Variants in SH3BP5 observed in about 807,000 individuals in gnomAD.
SH3BP5 encodes the protein SH3 domain-binding protein 5.
SH3BP5 carries 22 observed loss-of-function variants against 43.3 expected under a neutral mutation model. The ratio of observed to expected loss-of-function variants is 0.51; its 90% CI spans 0.36 to 0.73. The LOEUF (loss-of-function observed/expected upper bound fraction) is 0.73. SH3BP5 is among the 30% of genes least tolerant of loss of function. SH3BP5 has a pLI of 0.00. For synonymous variants in SH3BP5, 255 were observed against 225.8 expected, an observed-to-expected ratio of 1.13 and a Z score of -1.16; for missense variants, 529 against 586.9, an observed-to-expected ratio of 0.90 and a Z score of 1.02.
intron 4 of SH3BP5, among the ~76,000 whole-genome samples, chr3:15,263,808 C>T (rs552855152): frequency 1.6e-4 from 25 of 152,284 alleles, no homozygotes; most frequent in South Asian, 6.2e-4. Flanking sequence ...AAGCAGCTTG[C>T]GATTTCTTTC....
intron 7 of SH3BP5, 179 bp downstream of exon 7, chr3:15,258,647 AGGAAC>A: frequency 1.7e-6 from 1 of 581,298 alleles, no homozygotes; most frequent in Admixed American, 3.2e-5. Flanking sequence ...CCTGACTTTG[AGGAAC>A]ACTTAGTACC....
chr3:15,282,770 A>G (rs1697164497), intron 3 of SH3BP5, among the ~76,000 whole-genome samples: 1 of 151,946 alleles, frequency 6.6e-6, no homozygotes, highest in Non-Finnish European at 1.5e-5. Flanking sequence ...TTAGGTGTGC[A>G]GTGATAAATC....
intron 2 of SH3BP5, among the ~76,000 whole-genome samples, chr3:15,320,154 T>C (rs1559457341): frequency 6.6e-6 from 1 of 152,284 alleles, no homozygotes; most frequent in African/African-American, 2.4e-5. Context: ...CCAAATCCCA[T>C]TCATCATGCT....
intron 2 of SH3BP5, among the ~76,000 whole-genome samples, chr3:15,311,010 C>T (rs1012990023): frequency 2.6e-5 from 4 of 152,186 alleles, no homozygotes; most frequent in African/African-American, 9.7e-5. Flanking sequence ...CCTCAATTAC[C>T]TTGCCTGGAA....
intron 4 of SH3BP5, among the ~76,000 whole-genome samples, chr3:15,265,286 C>T (rs1439762847): frequency 2.6e-5 from 4 of 152,064 alleles, no homozygotes; most frequent in Non-Finnish European, 4.4e-5. Flanking sequence ...GAGGCCAAGG[C>T]GGGCAGATCA....
intron 5 of SH3BP5, among the ~76,000 whole-genome samples, chr3:15,261,469 G>T (rs1488015250): frequency 6.6e-6 from 1 of 152,164 alleles, no homozygotes; most frequent in Admixed American, 6.5e-5. Flanking sequence ...CCTGGCTGGG[G>T]CTGTGACCAC....
chr3:15,285,160 G>C (rs1697230638), intron 3 of SH3BP5, among the ~76,000 whole-genome samples: 1 of 152,172 alleles, frequency 6.6e-6, no homozygotes, highest in Non-Finnish European at 1.5e-5. Context: ...AAGGTACCTA[G>C]CTATGGTAGA....
intron 2 of SH3BP5, among the ~76,000 whole-genome samples, chr3:15,319,944 T>G (rs377552269): frequency 1.3e-5 from 2 of 152,182 alleles, no homozygotes; most frequent in East Asian, 3.8e-4. Flanking sequence ...GAACAGTTGT[T>G]TTAAGCTATT....
chr3:15,261,041 G>A (rs947149599), intron 5 of SH3BP5, among the ~76,000 whole-genome samples: 1 of 152,210 alleles, frequency 6.6e-6, no homozygotes, highest in Non-Finnish European at 1.5e-5. Flanking sequence ...GCCTCCTTGG[G>A]TGTTGGCATG....
At chr3:15,288,496 G>A (rs1262951572) in intron 3 of SH3BP5, among the ~76,000 whole-genome samples, 3 of 152,200 alleles carry the variant, frequency 2.0e-5, no homozygotes, top group Admixed American at 6.5e-5. Flanking sequence ...GGTGGCTAAC[G>A]CCTGTAATCC....
intron 2 of SH3BP5, among the ~76,000 whole-genome samples, chr3:15,306,962 G>A (rs746651038): frequency 3.9e-5 from 6 of 152,070 alleles, no homozygotes; most frequent in South Asian, 2.1e-4. Flanking sequence ...TGTGAGCCAC[G>A]GCACCCAGCC....
intron 3 of SH3BP5, among the ~76,000 whole-genome samples, chr3:15,298,973 G>GA (rs1553617238): frequency 6.6e-6 from 1 of 151,438 alleles, no homozygotes; most frequent in Non-Finnish European, 1.5e-5. Flanking sequence ...AGGCAAAAAA[G>GA]AAAAAAAAGA....
At chr3:15,303,214 C>T (rs11917094) in intron 3 of SH3BP5, among the ~76,000 whole-genome samples, 1 of 152,198 alleles carries the variant, frequency 6.6e-6, no homozygotes, top group Non-Finnish European at 1.5e-5. Context: ...TGCTAGTGAA[C>T]TACAATTTGG....
Position 15,262,180 on chromosome 3 carries a change from T to C in SH3BP5, c.605A>G (p.Lys202Arg). The change falls in exon 5 of 9, where the codon AAG (lysine) becomes AGG (arginine). Residue 202 changes from lysine (K) to arginine (R), a missense_variant. Coordinates refer to ENST00000383791, the MANE Select transcript of SH3BP5 (RefSeq NM_004844.5). ...GRMRQLEKKL[K>R]RAINKSKPYF... ...TTACTTGGACTTGTTGATGGCTCTC[T>C]TGAGTTTCTTCTCCAGCTGTCGCAT... 2 of 1,614,148 alleles carry C rather than the reference T, an allele frequency of 1.2e-6. No individual in the cohort carries two copies. The highest frequency in any genetic ancestry group is 1.7e-6 in the Non-Finnish European group (2 of 1,180,002).
chr3:15,259,892 C>T lies in SH3BP5; in HGVS notation c.627-89G>A, dbSNP rs549878615. On this transcript the variant is annotated intron_variant, in intron 5 of 8. Transcript: ENST00000383791. The stretch of plus-strand genomic sequence containing the variant: ...AAGATGAACAAGAGGCATCAGCTAC[C>T]ACTGGCCAGGTCGTCCTTCCAATAT... The T allele has an allele frequency of 6.0e-5, 72 of 1,198,234 alleles. 1 individual carries two copies. The South Asian group carries it at 8.1e-4, about 14-fold the overall frequency. 74.2% of individuals were successfully genotyped at this position (1,198,234 alleles called of 1,614,324 possible). A position where few individuals can be genotyped will look rare whatever the true frequency, so the allele number is the denominator to read the frequency against.
chr3:15,297,271 AACTC>A (rs1464925983), intron 3 of SH3BP5, among the ~76,000 whole-genome samples: 1 of 151,970 alleles, frequency 6.6e-6, no homozygotes, highest in Non-Finnish European at 1.5e-5. Context: ...CCTCACAAAT[AACTC>A]ACTATGTACT....
At chr3:15,256,526 T>C (rs906722838) in intron 8 of SH3BP5, 72 of 608,278 alleles carry the variant, frequency 1.2e-4, no homozygotes, top group Admixed American at 4.2e-4. Flanking sequence ...TGTGATGTTT[T>C]ATATATTCCT....
chr3:15,298,011 C>G (rs2125103764), intron 3 of SH3BP5, among the ~76,000 whole-genome samples: 1 of 150,522 alleles, frequency 6.6e-6, no homozygotes, highest in South Asian at 2.1e-4. Flanking sequence ...AGGTCTCACC[C>G]TGTCCTCCAG....
chr3:15,328,626 G>T (rs752268398), intron 2 of SH3BP5, among the ~76,000 whole-genome samples: 7 of 152,150 alleles, frequency 4.6e-5, no homozygotes, highest in Non-Finnish European at 1.0e-4. Context: ...TGTAGTCTCA[G>T]CTACTGGGGA....
Sources: gnomAD v4.1 joint callset for allele counts (sites outside exome capture counted in the v4.1 genomes callset) on GRCh38, gnomAD v4.1.1 for gene constraint, MANE v1.5 for transcripts, NCBI Gene and HGNC (gene_info 2026-07-23, HGNC 2026-07-21) for gene names.